The following IFT140 variants were observed in gnomAD, a reference collection of about 807,000 sequenced individuals.
IFT140 encodes the protein intraflagellar transport 140.
A neutral mutation model predicts 164.6 loss-of-function variants in IFT140; 133 were observed. The observed-to-expected ratio is 0.81, with a 90% CI of 0.70 to 0.93. The LOEUF (loss-of-function observed/expected upper bound fraction) is 0.93. IFT140 is among the 40% of genes least tolerant of loss of function. The pLI, the probability that IFT140 is intolerant of heterozygous loss-of-function variation, is 0.00. For missense variants in IFT140, 2,045 were observed against 1,972.3 expected, an observed-to-expected ratio of 1.04 and a Z score of -0.70; for synonymous variants, 860 against 817.3, an observed-to-expected ratio of 1.05 and a Z score of -0.89.
chr16:1,594,436 GTATCAAAC>G (rs996166976), intron 4 of IFT140, among the ~76,000 whole-genome samples: 8 of 152,066 alleles, frequency 5.3e-5, no homozygotes, highest in Non-Finnish European at 1.0e-4. Context: ...GCCCAGGCTG[GTATCAAAC>G]TCCAGGGCTC....
At chr16:1,549,912 G>A (rs2281227) in intron 19 of IFT140, among the ~76,000 whole-genome samples, 38,648 of 152,106 alleles carry the variant, frequency 0.25, 5,601 homozygotes, top group African/African-American at 0.39. Flanking sequence ...TCCAGGTTGC[G>A]TGTGGACATG....
At position 1,518,227 on chromosome 16, in the gene IFT140, C is replaced by A; in HGVS notation, c.4171G>T (p.Glu1391Ter). Residue 1391 changes from glutamate to a stop codon, truncating the protein, a stop_gained, in exon 30 of 31, where the codon GAA becomes TAA. Coordinates refer to ENST00000426508, the MANE Select transcript of IFT140 (RefSeq NM_014714.4). LOFTEE classifies it low-confidence loss of function (END_TRUNC). ...FLVEHYVRKE[E>*]YQTAYRFLEE... ...CACTCAGGCCTCACCGTCTGGTATT[C>A]CTCCTTCCGCACGTAGTGCTCCACC... is the stretch of plus-strand genomic sequence containing the variant. The A allele has an allele frequency of 6.2e-7, 1 of 1,613,068 alleles. No individual in the cohort carries two copies.
chr16:1,523,417 C>T (rs1161360463), intron 26 of IFT140, 101 bp downstream of exon 26: 20 of 1,324,134 alleles, frequency 1.5e-5, no homozygotes, highest in Non-Finnish European at 2.0e-5. Context: ...TCCTGGAGAA[C>T]TCATAACCAA....
At chr16:1,534,461 G>T in intron 19 of IFT140, 1 of 1,611,094 alleles carries the variant, frequency 6.2e-7, no homozygotes, top group Non-Finnish European at 8.5e-7. Flanking sequence ...CGAGCCCTGG[G>T]GCCAGAGCCG....
rs1432237870 is a variant in IFT140, at chr16:1,553,794, G to A, written c.2399+4141C>T. The A allele has an allele frequency of 1.7e-6, 2 of 1,197,674 alleles. No individual in the cohort carries two copies. Among genetic ancestry groups the A allele is most frequent in the African/African-American group, 3.2e-5 (2 of 62,714 alleles). The allele number at this position is 1,197,674 out of a possible 1,614,324, so 74.2% of individuals were successfully genotyped here. On this transcript the variant is annotated intron_variant, in intron 19 of 30. Coordinates refer to ENST00000426508, the MANE Select transcript of IFT140 (RefSeq NM_014714.4). The surrounding 1 kb of genome is among the most constrained non-coding windows in gnomAD (Gnocchi z 4.4). ...TGGACAGCCTCTCCTCCATCCTAGA[G>A]CCTATGTTTCCAGCTGGATTAGGAC... is the stretch of plus-strand genomic sequence containing the variant.
chr16:1,565,844 C>T (rs1030397109), intron 16 of IFT140, among the ~76,000 whole-genome samples: 4 of 152,332 alleles, frequency 2.6e-5, no homozygotes, highest in East Asian at 1.9e-4. Flanking sequence ...ACATGAGAGA[C>T]GCGGATGGGT....
chr16:1,587,137 A>G, intron 9 of IFT140, 61 bp downstream of exon 9: 1 of 1,032,514 alleles, frequency 9.7e-7, no homozygotes, highest in Non-Finnish European at 1.5e-6. Flanking sequence ...ATTATTTTGC[A>G]GCCGGCGCAC....
chr16:1,595,052 G>A (rs919654435), intron 4 of IFT140, among the ~76,000 whole-genome samples: 14 of 152,358 alleles, frequency 9.2e-5, no homozygotes, highest in Non-Finnish European at 1.9e-4. Flanking sequence ...TTGGGAGGCC[G>A]AGGCGGGCGG....
chr16:1,561,782 C>T (rs182174886), intron 18 of IFT140, among the ~76,000 whole-genome samples: 147 of 152,296 alleles, frequency 9.7e-4, no homozygotes, highest in African/African-American at 3.4e-3. Flanking sequence ...AAACCACTTC[C>T]AATTCTCCCC....
chr16:1,526,484 C>G (rs1321225048), intron 20 of IFT140, 135 bp downstream of exon 20: 1 of 1,003,728 alleles, frequency 1.0e-6, no homozygotes, highest in East Asian at 2.7e-5. Context: ...GCCCAGCTCT[C>G]CTGGGTCATG....
In IFT140 at chr16:1,598,566, T is replaced by C. The variant is rs1423107325; in HGVS notation, c.369+3804A>G. Among the ~76,000 whole-genome samples the C allele has an allele frequency of 2.6e-5, 4 of 152,320 alleles. No individual in the cohort carries two copies. In the East Asian group the frequency reaches 7.7e-4, roughly 29 times the overall value. On this transcript the variant is annotated intron_variant, in intron 4 of 30. Coordinates refer to ENST00000426508, the MANE Select transcript of IFT140 (RefSeq NM_014714.4). ...AACACTTAGACCCACCAGGGAGCTG[T>C]TCTGGATGAAAACACTCTGAGATAC...
chr16:1,512,781 C>A (rs567572845), intron 30 of IFT140, among the ~76,000 whole-genome samples: 1 of 152,320 alleles, frequency 6.6e-6, no homozygotes, highest in African/African-American at 2.4e-5. Flanking sequence ...CAGAGCAAGA[C>A]CTCGTCTCAA....
rs540710360 is a variant in IFT140, at chr16:1,527,586, G to T, written c.2400-790C>A. ...CCCTGCCTCTTAGGGTTTTTTTGTT[G>T]TGTAAGACAGGGTCTCCCTCTGTTG... On this transcript the variant is annotated intron_variant, in intron 19 of 30. Coordinates refer to ENST00000426508, the MANE Select transcript of IFT140 (RefSeq NM_014714.4). Among the ~76,000 whole-genome samples the T allele has an allele frequency of 1.4e-4, 21 of 152,254 alleles. No homozygotes were observed. In the East Asian group the frequency reaches 1.5e-3, roughly 11 times the overall value.
intron 19 of IFT140, among the ~76,000 whole-genome samples, chr16:1,544,805 C>G (rs943193724): frequency 6.6e-6 from 1 of 150,578 alleles, no homozygotes; most frequent in African/African-American, 2.5e-5. Flanking sequence ...CCCGCCACCA[C>G]GCCTGGCTAA....
chr16:1,598,920 GAA>G (rs1212610354), intron 4 of IFT140, among the ~76,000 whole-genome samples: 1 of 148,674 alleles, frequency 6.7e-6, no homozygotes, highest in African/African-American at 2.5e-5. Flanking sequence ...GCCCAGTCTG[GAA>G]AGTGAGGAGC....
chr16:1,524,447 C>CG, intron 24 of IFT140, 105 bp downstream of exon 24: 1 of 1,455,588 alleles, frequency 6.9e-7, no homozygotes, highest in East Asian at 2.3e-5. Flanking sequence ...AGACACTGGC[C>CG]GGACCACGTG....
chr16:1,584,452 G>C, intron 10 of IFT140, 32 bp from the exon 11 acceptor site: 1 of 1,550,682 alleles, frequency 6.4e-7, no homozygotes, highest in Non-Finnish European at 8.7e-7. Flanking sequence ...GAAAGAACCA[G>C]ATGTGTGAAC....
chr16:1,531,612 G>A lies in IFT140; in HGVS notation c.2400-4816C>T, dbSNP rs1455111706. On this transcript the variant is annotated intron_variant, in intron 19 of 30. Transcript: ENST00000426508. This position sits in a 1 kb window ranked among gnomAD's most constrained non-coding sequence, Gnocchi z 4.7. ...CCTTACTGGGAGTCACCCCCCGAGA[G>A]CCACAGATCCTCCCAGGAGGGTCGC... 2.0e-5 allele frequency: 3 copies of A among 152,288 alleles called. No individual in the cohort carries two copies. The highest frequency in any genetic ancestry group is 4.4e-5 in the Non-Finnish European group (3 of 68,112). The allele number at this position is 152,288 out of a possible 1,614,324, so 9.4% of individuals were successfully genotyped here. A position where few individuals can be genotyped will look rare whatever the true frequency, so the allele number is the denominator to read the frequency against.
chr16:1,564,907 G>A lies in IFT140; in HGVS notation c.1902-745C>T, dbSNP rs2033627756. 1.3e-5 allele frequency among the ~76,000 whole-genome samples: 2 copies of A among 152,180 alleles called. No homozygotes were observed. The highest frequency in any genetic ancestry group is 2.9e-5 in the Non-Finnish European group (2 of 68,046). ...GCAATGGAGGTGCCCTCACAGCCAC[G>A]TTCGGCACCAGTGCAGAGCAGAGCA... is the stretch of plus-strand genomic sequence containing the variant. On this transcript the variant is annotated intron_variant, in intron 16 of 30. Coordinates refer to ENST00000426508, the MANE Select transcript of IFT140 (RefSeq NM_014714.4). The surrounding 1 kb of genome is among the most constrained non-coding windows in gnomAD (Gnocchi z 5.5).
Sources: allele counts gnomAD v4.1 joint callset (sites outside exome capture counted in the v4.1 genomes callset), GRCh38; gene constraint gnomAD v4.1.1; non-coding constraint Gnocchi (gnomAD v3.1); transcripts MANE v1.5; gene names NCBI Gene and HGNC (gene_info 2026-07-23, HGNC 2026-07-21).